Variants in WDR25 observed in about 807,000 individuals in gnomAD.
WDR25 encodes WD repeat-containing protein 25.
Under a neutral mutation model 47.7 loss-of-function variants are expected in WDR25, and 35 were observed. The observed-to-expected ratio is 0.73, with a 90% CI of 0.56 to 0.97. The LOEUF (loss-of-function observed/expected upper bound fraction) is 0.97, where lower values mean the gene tolerates loss of function less well. Among genes scored for constraint, WDR25 ranks in the 50% least tolerant of loss-of-function variants. The pLI is 0.00. For synonymous variants in WDR25, 248 were observed against 278.9 expected, an observed-to-expected ratio of 0.89 and a Z score of 1.10; for missense variants, 634 against 704.7, an observed-to-expected ratio of 0.90 and a Z score of 1.14.
At chr14:100,388,270 G>A (rs1897061337) in intron 2 of WDR25, among the ~76,000 whole-genome samples, 2 of 152,310 alleles carry the variant, frequency 1.3e-5, no homozygotes, top group East Asian at 3.9e-4. Flanking sequence ...ATGATTAACA[G>A]TGCATCCAGG....
rs1383264456 is a variant in WDR25 at position 100,430,111 on chromosome 14, C to A, written c.823-37910C>A. Among the ~76,000 whole-genome samples, 1 of 151,798 alleles carries A rather than the reference C, an allele frequency of 6.6e-6. No individual in the cohort carries two copies. Among genetic ancestry groups the A allele is most frequent in the Non-Finnish European group, 1.5e-5 (1 of 67,962 alleles). On this transcript the variant is annotated intron_variant, in intron 2 of 6. Coordinates refer to ENST00000402312, the MANE Select transcript of WDR25 (RefSeq NM_001161476.3). The surrounding 1 kb of genome is among the most constrained non-coding windows in gnomAD (Gnocchi z 4.7). ...TCCAGAAAGATGAGATGGACTTGGC[C>A]CCAGAGGCTCTAGGCAAATCTTGCA...
At chr14:100,432,991 A>G (rs902053966) in intron 2 of WDR25, among the ~76,000 whole-genome samples, 2 of 152,254 alleles carry the variant, frequency 1.3e-5, no homozygotes, top group African/African-American at 4.8e-5. Context: ...GTATCTACAC[A>G]TATCTGAACT....
chr14:100,461,033 T>C (rs889036012), intron 2 of WDR25, among the ~76,000 whole-genome samples: 1 of 151,962 alleles, frequency 6.6e-6, no homozygotes, highest in African/African-American at 2.4e-5. Context: ...GGCAACATAG[T>C]GAGACCCCAG....
chr14:100,501,760 G>C (rs1900931355), intron 4 of WDR25, among the ~76,000 whole-genome samples: 1 of 152,212 alleles, frequency 6.6e-6, no homozygotes, highest in South Asian at 2.1e-4. Context: ...CTCCAAGACA[G>C]AGGAAGGTAC....
chr14:100,403,870 T>G (rs1052370812), intron 2 of WDR25, among the ~76,000 whole-genome samples: 30 of 152,266 alleles, frequency 2.0e-4, no homozygotes, highest in African/African-American at 7.0e-4. Context: ...TATTCCAGTT[T>G]GCTTGGCTGG....
intron 3 of WDR25, chr14:100,476,596 G>A (rs1311393221): frequency 6.6e-6 from 1 of 152,246 alleles, no homozygotes; most frequent in East Asian, 1.9e-4. Context: ...GGTGCCGAGA[G>A]CTGGCCTTGA....
rs376300545 is a variant in WDR25, at chr14:100,484,074, T to G, written c.1051T>G (p.Cys351Gly). The G allele has an allele frequency of 1.2e-6, 2 of 1,613,952 alleles. No individual in the cohort carries two copies. The highest frequency in any genetic ancestry group is 1.7e-6 in the Non-Finnish European group (2 of 1,180,000). ...TCCAAAAGACCACAACATCTTTTTA[T>G]GTGGAGGCTTCAGCTCTGAAATGAA... ...FHPKDHNIFL[C>G]GGFSSEMKAW... is the part of the protein sequence containing the mutation. The change falls in exon 4 of 7, where the codon TGT (cysteine) becomes GGT (glycine). Residue 351 changes from cysteine to glycine, a missense_variant. Coordinates refer to ENST00000402312, the MANE Select transcript of WDR25 (RefSeq NM_001161476.3).
At position 100,380,894 on chromosome 14, in the gene WDR25, C is replaced by A. The variant is rs1190795719; in HGVS notation, c.-15-16C>A. 3.8e-6 allele frequency: 6 copies of A among 1,596,416 alleles called. No individual in the cohort carries two copies. The highest frequency in any genetic ancestry group is 4.3e-6 in the Non-Finnish European group (5 of 1,167,424). ...TCCATGCACATTTTCTGACGGTTGA[C>A]CTTGTTTGATCTTAGGTGGTTTGGC... On this transcript the variant is annotated splice_polypyrimidine_tract_variant and intron_variant, in intron 1 of 6. Coordinates refer to ENST00000402312, the MANE Select transcript of WDR25 (RefSeq NM_001161476.3).
At chr14:100,393,744 G>A (rs1341965993) in intron 2 of WDR25, among the ~76,000 whole-genome samples, 1 of 152,092 alleles carries the variant, frequency 6.6e-6, no homozygotes, top group African/African-American at 2.4e-5. Flanking sequence ...CCATGTTGCT[G>A]GAGGGCTGGG....
intron 4 of WDR25, among the ~76,000 whole-genome samples, chr14:100,493,422 C>T (rs1472980147): frequency 6.6e-6 from 1 of 151,994 alleles, no homozygotes; most frequent in Non-Finnish European, 1.5e-5. Context: ...GATTCATTCA[C>T]ATTGTAGCCT....
intron 2 of WDR25, among the ~76,000 whole-genome samples, chr14:100,386,757 G>A (rs955357950): frequency 6.6e-6 from 1 of 152,264 alleles, no homozygotes; most frequent in South Asian, 2.1e-4. Flanking sequence ...GCCGGGCGCG[G>A]TGGTGGGCGG....
rs559903689 is a variant in WDR25 at position 100,485,947 on chromosome 14, T to TA, written c.1101+1832dup. 1.6e-3 allele frequency among the ~76,000 whole-genome samples: 235 copies of TA among 151,026 alleles called. 1 individual carries two copies. Among genetic ancestry groups the TA allele is most frequent in the African/African-American group, 4.2e-3 (171 of 41,166 alleles). On this transcript the variant is annotated intron_variant, in intron 4 of 6. Transcript: ENST00000402312. ...TGGGAGCATAGATAGATGTAGTCTT[T>TA]AAAAAAAAATCACACATTTTTCTTT...
intron 4 of WDR25, among the ~76,000 whole-genome samples, chr14:100,520,691 G>A (rs1364426296): frequency 1.3e-5 from 2 of 152,158 alleles, no homozygotes; most frequent in Non-Finnish European, 2.9e-5. Context: ...ACTGAGAGTT[G>A]CCCAAGAACT....
chr14:100,498,513 C>T lies in WDR25; in HGVS notation c.1101+14389C>T, dbSNP rs893533298. ...TTTGCTCATTGAACACTGCGGAGCA[C>T]CTGCTGTTTATAGGGTGTCTTCCTA... On this transcript the variant is annotated intron_variant, in intron 4 of 6. Coordinates refer to ENST00000402312, the MANE Select transcript of WDR25 (RefSeq NM_001161476.3). The surrounding 1 kb of genome is among the most constrained non-coding windows in gnomAD (Gnocchi z 4.2). 1.3e-5 allele frequency among the ~76,000 whole-genome samples: 2 copies of T among 152,150 alleles called. No individual in the cohort carries two copies. Among genetic ancestry groups the T allele is most frequent in the Non-Finnish European group, 2.9e-5 (2 of 68,038 alleles).
intron 2 of WDR25, among the ~76,000 whole-genome samples, chr14:100,444,334 GC>G (rs1425195833): frequency 2.0e-5 from 3 of 152,244 alleles, no homozygotes; most frequent in African/African-American, 4.8e-5. Flanking sequence ...TGAGGGGCAT[GC>G]CTGCGAGTGC....
At chr14:100,448,490 G>A (rs1898914459) in intron 2 of WDR25, among the ~76,000 whole-genome samples, 1 of 152,108 alleles carries the variant, frequency 6.6e-6, no homozygotes, top group African/African-American at 2.4e-5. Context: ...CGTGAGTCAT[G>A]GGCCTGCTAA....
chr14:100,484,463 GGTGTGT>G (rs5810998), intron 4 of WDR25, among the ~76,000 whole-genome samples: 54 of 150,256 alleles, frequency 3.6e-4, no homozygotes, highest in African/African-American at 1.3e-3. Context: ...ACAGAGAATT[GGTGTGT>G]GTGTGTGTGT....
chr14:100,416,443 C>T (rs536189711), intron 2 of WDR25, among the ~76,000 whole-genome samples: 76 of 152,310 alleles, frequency 5.0e-4, no homozygotes, highest in South Asian at 3.1e-3. Context: ...CCCATGTCAC[C>T]GGCCCATTCA....
chr14:100,385,671 G>A (rs1314955335), intron 2 of WDR25, among the ~76,000 whole-genome samples: 2 of 152,128 alleles, frequency 1.3e-5, no homozygotes, highest in East Asian at 3.8e-4. Context: ...ATTCTGCACC[G>A]CTGCTCTTTC....
Sources: gnomAD v4.1 joint callset for allele counts (sites outside exome capture counted in the v4.1 genomes callset) on GRCh38, gnomAD v4.1.1 for gene constraint, Gnocchi (gnomAD v3.1) non-coding constraint, MANE v1.5 for transcripts, NCBI Gene and HGNC (gene_info 2026-07-23, HGNC 2026-07-21) for gene names.